SNTB2: variants seen among roughly 807,000 people sequenced by gnomAD.
SNTB2 encodes beta-2-syntrophin.
SNTB2 carries 34 observed loss-of-function variants against 46.2 expected under a neutral mutation model. That is an observed-to-expected ratio of 0.74 (90% CI 0.56 to 0.98). The LOEUF is 0.98. SNTB2 is among the 50% of genes least tolerant of loss of function. The pLI, the probability that SNTB2 is intolerant of heterozygous loss-of-function variation, is 0.00. For missense variants in SNTB2, 603 were observed against 731.4 expected, an observed-to-expected ratio of 0.82 and a Z score of 2.02; for synonymous variants, 290 against 312.6, an observed-to-expected ratio of 0.93 and a Z score of 0.76.
intron 1 of SNTB2, among the ~76,000 whole-genome samples, chr16:69,194,417 C>A (rs1964084193): frequency 6.6e-6 from 1 of 152,112 alleles, no homozygotes; most frequent in Admixed American, 6.5e-5. Context: ...TCTGGTAATT[C>A]AAGTGGACTG....
At position 69,300,972 on chromosome 16, in the gene SNTB2, C is replaced by A; in HGVS notation, c.*48C>A. On this transcript the variant is annotated 3_prime_UTR_variant, in exon 7 of 7. Transcript: ENST00000336278. ...CCTTGACTGTCACAAGAAATATTTC[C>A]ACCTCAAAAAAAAAAAAGCACAAAA... 2 of 1,188,320 alleles carry A rather than the reference C, an allele frequency of 1.7e-6. No individual in the cohort carries two copies. Among genetic ancestry groups the A allele is most frequent in the South Asian group, 1.3e-5 (1 of 76,854 alleles). The allele number at this position is 1,188,320 out of a possible 1,614,324, so 73.6% of individuals were successfully genotyped here. A position where few individuals can be genotyped will look rare whatever the true frequency, so the allele number is the denominator to read the frequency against.
intron 1 of SNTB2, among the ~76,000 whole-genome samples, chr16:69,193,814 G>A (rs769717797): frequency 2.6e-5 from 4 of 152,144 alleles, no homozygotes; most frequent in Admixed American, 6.5e-5. Context: ...GAAGAGCTGC[G>A]CCTCAGAAAT....
rs1965284622 is a variant in SNTB2, at chr16:69,302,599, C to T, written c.*1675C>T. The stretch of plus-strand genomic sequence containing the variant: ...TGCGGCCTGACCGATGGGGAGGACC[C>T]ATGAGCAGAGAGAGTTCTAGGTCAA... On this transcript the variant is annotated 3_prime_UTR_variant, in exon 7 of 7. Transcript: ENST00000336278. 1 of 152,194 alleles carries T rather than the reference C, an allele frequency of 6.6e-6. No homozygotes were observed. The highest frequency in any genetic ancestry group is 2.1e-4 in the South Asian group (1 of 4,830). 9.4% of individuals were successfully genotyped at this position (152,194 alleles called of 1,614,324 possible).
At chr16:69,200,685 T>G (rs1435408801) in intron 1 of SNTB2, among the ~76,000 whole-genome samples, 1 of 152,176 alleles carries the variant, frequency 6.6e-6, no homozygotes, top group Non-Finnish European at 1.5e-5. Context: ...TATTTTTGTT[T>G]TGTTTTTAAA....
intron 1 of SNTB2, among the ~76,000 whole-genome samples, chr16:69,222,939 G>A (rs1197336684): frequency 1.3e-5 from 2 of 150,602 alleles, no homozygotes; most frequent in African/African-American, 4.9e-5. Context: ...ATGCCACCAT[G>A]CCCAGCTAAT....
chr16:69,233,830 A>G (rs1195927144), intron 1 of SNTB2, among the ~76,000 whole-genome samples: 1 of 152,056 alleles, frequency 6.6e-6, no homozygotes, highest in Non-Finnish European at 1.5e-5. Flanking sequence ...AAAAAAAACT[A>G]GCCAGGTACA....
chr16:69,199,902 A>G (rs1964144108), intron 1 of SNTB2, among the ~76,000 whole-genome samples: 1 of 152,044 alleles, frequency 6.6e-6, no homozygotes, highest in South Asian at 2.1e-4. Context: ...GATCCATGCT[A>G]TTACTGGGAA....
intron 2 of SNTB2, among the ~76,000 whole-genome samples, chr16:69,258,819 G>T (rs375876562): frequency 1.3e-5 from 2 of 151,810 alleles, no homozygotes; most frequent in East Asian, 3.9e-4. Context: ...AGCCATGTTG[G>T]CCAGGCTGGT....
In SNTB2 at chr16:69,302,033, C is replaced by A; in HGVS notation, c.*1109C>A. On this transcript the variant is annotated 3_prime_UTR_variant, in exon 7 of 7. Coordinates refer to ENST00000336278, the MANE Select transcript of SNTB2 (RefSeq NM_006750.4). ...TCATGTTGAATTGTTTTGGGCTGCC[C>A]AAAAACAACAGGATGCAGCATCCTG... 6.6e-6 allele frequency: 1 copy of A among 152,210 alleles called. No homozygotes were observed. The allele number at this position is 152,210 out of a possible 1,614,324, so 9.4% of individuals were successfully genotyped here.
chr16:69,229,670 C>G (rs185482582), intron 1 of SNTB2, among the ~76,000 whole-genome samples: 1 of 150,488 alleles, frequency 6.6e-6, no homozygotes, highest in Non-Finnish European at 1.5e-5. Flanking sequence ...GGTGAAACCC[C>G]GTCTCTGCTA....
At chr16:69,210,724 G>A (rs902352029) in intron 1 of SNTB2, among the ~76,000 whole-genome samples, 1 of 152,070 alleles carries the variant, frequency 6.6e-6, no homozygotes, top group Non-Finnish European at 1.5e-5. Flanking sequence ...CGGGTACAGC[G>A]GGTCACGCCT....
chr16:69,254,999 ATTC>A (rs1345591973), intron 2 of SNTB2, among the ~76,000 whole-genome samples: 1 of 152,024 alleles, frequency 6.6e-6, no homozygotes, highest in African/African-American at 2.4e-5. Context: ...GTGTAGTCTC[ATTC>A]TTCTTGCATT....
At chr16:69,278,583 G>A (rs1306035898) in intron 4 of SNTB2, among the ~76,000 whole-genome samples, 1 of 151,814 alleles carries the variant, frequency 6.6e-6, no homozygotes, top group African/African-American at 2.4e-5. Context: ...AGCCTCCCGA[G>A]TAGCTGGAAT....
At chr16:69,259,830 G>A (rs767255941) in intron 2 of SNTB2, among the ~76,000 whole-genome samples, 4 of 140,990 alleles carry the variant, frequency 2.8e-5, no homozygotes, top group African/African-American at 5.3e-5. Flanking sequence ...GGCTGGTCTC[G>A]AACTCCTGAG....
rs572731779 is a variant in SNTB2 at position 69,239,665 on chromosome 16, C to G, written c.581-5937C>G. 1.2e-4 allele frequency among the ~76,000 whole-genome samples: 19 copies of G among 152,298 alleles called. No individual in the cohort carries two copies. The South Asian group carries it at 3.7e-3, about 30-fold the overall frequency. On this transcript the variant is annotated intron_variant, in intron 1 of 6. Coordinates refer to ENST00000336278, the MANE Select transcript of SNTB2 (RefSeq NM_006750.4). ...CTGGGTTCAAGCCTCCTGCCTCAGC[C>G]TCCTGAGTAGCTGGGCTTACAGGCG...
At chr16:69,215,259 C>G (rs897429663) in intron 1 of SNTB2, among the ~76,000 whole-genome samples, 2 of 152,120 alleles carry the variant, frequency 1.3e-5, no homozygotes, top group Non-Finnish European at 2.9e-5. Context: ...GTGATGCATG[C>G]CTGTTGTCCC....
At chr16:69,285,548 G>A (rs984536531) in intron 5 of SNTB2, among the ~76,000 whole-genome samples, 1 of 147,208 alleles carries the variant, frequency 6.8e-6, no homozygotes, top group African/African-American at 2.5e-5. Flanking sequence ...GACATGATCC[G>A]AGCTCACTGC....
rs143844480 is a variant in SNTB2, at chr16:69,284,192, A to G, written c.1293A>G (p.Ile431Met). 4.3e-6 allele frequency: 7 copies of G among 1,614,034 alleles called. No individual in the cohort carries two copies. The highest frequency in any genetic ancestry group is 5.1e-6 in the Non-Finnish European group (6 of 1,179,980). The change falls in exon 5 of 7, where the codon ATA becomes ATG. Residue 431 changes from isoleucine (I) to methionine (M), a missense_variant. Ile to Met is a conservative substitution (Grantham distance 10, BLOSUM62 1). Transcript: ENST00000336278. ...THRDLSSWTR[I>M]LVQGCHAAAE... ...GGGATCTGTCATCCTGGACCAGGATACTTGTTCAGGGTTGCCATGCTGCTG... is the reference window on the plus strand; with the variant it reads ...GGGATCTGTCATCCTGGACCAGGATGCTTGTTCAGGGTTGCCATGCTGCTG...
In SNTB2 at chr16:69,234,744, C is replaced by G. The variant is rs545862630; in HGVS notation, c.581-10858C>G. Among the ~76,000 whole-genome samples the G allele has an allele frequency of 5.3e-5, 8 of 151,116 alleles. No individual in the cohort carries two copies. The South Asian group carries it at 1.5e-3, about 28-fold the overall frequency. Reference sequence around the variant, plus strand: ...TCGAGACCAAGTCTCACTCTGTCACCTAGGCTGGAGTGCAGTGGCATGATC... The same window carrying G: ...TCGAGACCAAGTCTCACTCTGTCACGTAGGCTGGAGTGCAGTGGCATGATC... On this transcript the variant is annotated intron_variant, in intron 1 of 6. Coordinates refer to ENST00000336278, the MANE Select transcript of SNTB2 (RefSeq NM_006750.4).
Sources: gnomAD v4.1 joint callset for allele counts (sites outside exome capture counted in the v4.1 genomes callset) on GRCh38, gnomAD v4.1.1 for gene constraint, MANE v1.5 for transcripts, NCBI Gene and HGNC (gene_info 2026-07-23, HGNC 2026-07-21) for gene names.